Variants in RBMS1 observed in about 807,000 individuals in gnomAD.
RBMS1 encodes the protein RNA binding motif single stranded interacting protein 1.
RBMS1 carries 17 observed loss-of-function variants against 62.3 expected under a neutral mutation model. The observed-to-expected ratio is 0.27, with a 90% CI of 0.19 to 0.41. RBMS1 has a LOEUF of 0.41. Among genes scored for constraint, RBMS1 ranks in the 10% least tolerant of loss-of-function variants. RBMS1 has a pLI of 1.00. For synonymous variants in RBMS1, 172 were observed against 170.0 expected (o/e 1.01, Z -0.09); for missense variants, 334 against 504.5 (o/e 0.66, Z 3.24).
At chr2:160,360,466 T>C (rs1431600109) in intron 2 of RBMS1, among the ~76,000 whole-genome samples, 1 of 152,176 alleles carries the variant, frequency 6.6e-6, no homozygotes, top group Non-Finnish European at 1.5e-5. Context: ...ACTAAAATGT[T>C]AGCGTTAACT....
intron 1 of RBMS1, among the ~76,000 whole-genome samples, chr2:160,492,262 A>C (rs748043731): frequency 6.6e-6 from 1 of 152,080 alleles, no homozygotes; most frequent in Non-Finnish European, 1.5e-5. Flanking sequence ...CACCCTCCCA[A>C]ATTCTGGCGG....
chr2:160,398,171 C>T (rs370669879), intron 1 of RBMS1, among the ~76,000 whole-genome samples: 12 of 152,320 alleles, frequency 7.9e-5, no homozygotes, highest in Middle Eastern at 3.4e-3. Flanking sequence ...ACCAAACTCA[C>T]TGCCTTTCCC....
At chr2:160,455,918 C>T (rs566792140) in intron 1 of RBMS1, among the ~76,000 whole-genome samples, 5 of 151,932 alleles carry the variant, frequency 3.3e-5, no homozygotes, top group African/African-American at 9.6e-5. Context: ...CTCCTGACCT[C>T]GTGATCCGCC....
chr2:160,429,385 A>G (rs1395498287), intron 1 of RBMS1, among the ~76,000 whole-genome samples: 1 of 152,234 alleles, frequency 6.6e-6, no homozygotes, highest in East Asian at 1.9e-4. Flanking sequence ...TATACATGTC[A>G]GCCATCTTAT....
At chr2:160,485,057 T>C (rs990992874) in intron 1 of RBMS1, among the ~76,000 whole-genome samples, 1 of 152,074 alleles carries the variant, frequency 6.6e-6, no homozygotes, top group African/African-American at 2.4e-5. Flanking sequence ...AATCTAGTAG[T>C]GGTAAGCTCA....
chr2:160,402,922 G>A (rs139643800), intron 1 of RBMS1, among the ~76,000 whole-genome samples: 17 of 152,264 alleles, frequency 1.1e-4, no homozygotes, highest in Admixed American at 1.1e-3. Context: ...ACCTGGATCA[G>A]ATAGACTCTT....
chr2:160,349,073 T>A (rs1692340002), intron 2 of RBMS1, among the ~76,000 whole-genome samples: 1 of 152,120 alleles, frequency 6.6e-6, no homozygotes, highest in South Asian at 2.1e-4. Flanking sequence ...TCAAATAGCT[T>A]TCCTCTTGCA....
intron 1 of RBMS1, among the ~76,000 whole-genome samples, chr2:160,471,716 T>TATATATATATATATA (rs371634389): frequency 2.6e-5 from 2 of 76,242 alleles, no homozygotes; most frequent in Non-Finnish European, 5.4e-5. Context: ...TATATATATA[T>TATATATATATATATA]AACCTTTCAT....
chr2:160,484,526 G>T (rs781353059), intron 1 of RBMS1, among the ~76,000 whole-genome samples: 7 of 150,338 alleles, frequency 4.7e-5, no homozygotes, highest in Non-Finnish European at 8.9e-5. Context: ...AAAAATGTAC[G>T]CCATCATCGG....
At chr2:160,370,264 C>T (rs181026276) in intron 1 of RBMS1, among the ~76,000 whole-genome samples, 4 of 152,314 alleles carry the variant, frequency 2.6e-5, no homozygotes, top group Admixed American at 2.0e-4. Flanking sequence ...AAGAGAGAAG[C>T]GTTGAATTAT....
intron 2 of RBMS1, among the ~76,000 whole-genome samples, chr2:160,351,918 A>T (rs1439503737): frequency 6.6e-6 from 1 of 152,098 alleles, no homozygotes; most frequent in Non-Finnish European, 1.5e-5. Context: ...TTTCCCCAAA[A>T]AGTTTGAGGC....
intron 1 of RBMS1, among the ~76,000 whole-genome samples, chr2:160,467,656 C>T (rs749246932): frequency 6.6e-6 from 1 of 152,162 alleles, no homozygotes; most frequent in Non-Finnish European, 1.5e-5. Flanking sequence ...TATATAGCAA[C>T]ATAAACAAGT....
At chr2:160,370,647 G>T (rs1693676756) in intron 1 of RBMS1, among the ~76,000 whole-genome samples, 2 of 152,312 alleles carry the variant, frequency 1.3e-5, no homozygotes, top group Admixed American at 6.5e-5. Context: ...TTGAACGCAG[G>T]TCTGCTAGAA....
intron 12 of RBMS1, among the ~76,000 whole-genome samples, chr2:160,275,968 T>G (rs932005300): frequency 6.6e-6 from 1 of 152,182 alleles, no homozygotes; most frequent in Non-Finnish European, 1.5e-5. Flanking sequence ...AACAAATCTC[T>G]TACCCTCTTA....
intron 1 of RBMS1, chr2:160,408,393 C>CT (rs1234973491): frequency 1.3e-5 from 2 of 152,206 alleles, no homozygotes; most frequent in African/African-American, 4.8e-5. Flanking sequence ...CTCTGCAAAT[C>CT]TCCATCCCCC....
chr2:160,291,810 A>G (rs1688692891), intron 6 of RBMS1, among the ~76,000 whole-genome samples: 1 of 152,176 alleles, frequency 6.6e-6, no homozygotes, highest in African/African-American at 2.4e-5. Context: ...CCATCAACTA[A>G]GAGTTGTTTA....
At chr2:160,478,739 T>TG (rs1432507266) in intron 1 of RBMS1, among the ~76,000 whole-genome samples, 1 of 152,228 alleles carries the variant, frequency 6.6e-6, no homozygotes, top group Non-Finnish European at 1.5e-5. Flanking sequence ...GTGGACTTAA[T>TG]GAGTATATGA....
chr2:160,299,011 A>C (rs919242840), intron 6 of RBMS1, among the ~76,000 whole-genome samples: 14 of 152,192 alleles, frequency 9.2e-5, no homozygotes, highest in Non-Finnish European at 1.6e-4. Flanking sequence ...CCCTGCTGAC[A>C]TCTTGATCTT....
intron 12 of RBMS1, among the ~76,000 whole-genome samples, chr2:160,276,304 TGTCA>T (rs1216772962): frequency 1.3e-5 from 2 of 152,092 alleles, no homozygotes; most frequent in Non-Finnish European, 2.9e-5. Flanking sequence ...TAACTGTGGT[TGTCA>T]GTAATTGCAC....
Sources: gnomAD v4.1 joint callset for allele counts (sites outside exome capture counted in the v4.1 genomes callset) on GRCh38, gnomAD v4.1.1 for gene constraint, MANE v1.5 for transcripts, NCBI Gene and HGNC (gene_info 2026-07-23, HGNC 2026-07-21) for gene names.